The following TDRD9 variants were observed in gnomAD, a reference collection of about 807,000 sequenced individuals.
TDRD9 encodes the protein ATP-dependent RNA helicase TDRD9.
TDRD9 carries 124 observed loss-of-function variants against 172.6 expected under a neutral mutation model. The observed-to-expected ratio is 0.72, with a 90% CI of 0.62 to 0.83. The LOEUF is 0.83. TDRD9 is among the 40% of genes least tolerant of loss of function. The probability of loss-of-function intolerance (pLI) is 0.00; values close to 1 mark genes in which losing one functional copy is unlikely to be tolerated. For synonymous variants in TDRD9, 619 were observed against 617.1 expected (o/e 1.00, Z -0.05); for missense variants, 1,479 against 1,714.1 (o/e 0.86, Z 2.42).
At chr14:103,928,910 A>G (rs2030164930) in intron 1 of TDRD9, 186 bp downstream of exon 1, 1 of 247,072 alleles carries the variant, frequency 4.0e-6, no homozygotes, top group Non-Finnish European at 7.6e-6. Context: ...GCCTGTAAGG[A>G]AGCTGAGCTA....
At chr14:104,039,745 A>G (rs1444399188) in intron 32 of TDRD9, among the ~76,000 whole-genome samples, 1 of 152,210 alleles carries the variant, frequency 6.6e-6, no homozygotes, top group Non-Finnish European at 1.5e-5. Context: ...AGTGTGCACC[A>G]TTGTTTTAGG....
At chr14:103,938,438 A>AT (rs1354196439) in intron 1 of TDRD9, among the ~76,000 whole-genome samples, 5,900 of 41,298 alleles carry the variant, frequency 0.14, 887 homozygotes, top group Middle Eastern at 0.28. Flanking sequence ...ATATATATAT[A>AT]TATTTTTTTT....
intron 32 of TDRD9, 149 bp downstream of exon 32, chr14:104,035,205 T>G: frequency 1.7e-6 from 1 of 605,870 alleles, no homozygotes; most frequent in East Asian, 2.9e-5. Flanking sequence ...CCTGTATTGT[T>G]ATTGATTTAT....
intron 3 of TDRD9, among the ~76,000 whole-genome samples, chr14:103,965,001 A>G (rs2032671337): frequency 6.6e-6 from 1 of 152,106 alleles, no homozygotes; most frequent in Admixed American, 6.6e-5. Context: ...TGATGTCAGG[A>G]GTTCAAGACC....
chr14:104,040,087 A>T, intron 32 of TDRD9, 109 bp from the exon 33 acceptor site: 1 of 1,032,254 alleles, frequency 9.7e-7, no homozygotes, highest in Non-Finnish European at 1.3e-6. Context: ...TAATTGCTGT[A>T]CTAGGGCTGG....
chr14:103,978,647 A>G (rs548254137), intron 7 of TDRD9, among the ~76,000 whole-genome samples: 1 of 152,200 alleles, frequency 6.6e-6, no homozygotes, highest in East Asian at 1.9e-4. Context: ...TCTTTGACTG[A>G]TGTTTTTCTC....
chr14:103,970,965 AT>A (rs2032995421), intron 6 of TDRD9, among the ~76,000 whole-genome samples: 1 of 152,066 alleles, frequency 6.6e-6, no homozygotes. Flanking sequence ...CAAATGCAGA[AT>A]CTGGATACAG....
chr14:103,928,648 G>T lies in TDRD9; in HGVS notation c.139G>T (p.Ala47Ser), dbSNP rs1007417173. Reference protein sequence around the residue: ...AREEVQRQDVAPGAGPAAQAP... With the variant: ...AREEVQRQDVSPGAGPAAQAP... ...GGAGGAGGTGCAGCGCCAGGACGTG[G>T]CCCCCGGCGCTGGTCCCGCGGCCCA... Residue 47 changes from alanine (A) to serine (S), a missense_variant, in exon 1 of 36, where the codon GCC becomes TCC. Coordinates refer to ENST00000409874, the MANE Select transcript of TDRD9 (RefSeq NM_153046.3). The T allele has an allele frequency of 4.8e-6, 6 of 1,255,414 alleles. No homozygotes were observed. In the African/African-American group the frequency reaches 9.5e-5, roughly 20 times the overall value. The allele number at this position is 1,255,414 out of a possible 1,614,324, so 77.8% of individuals were successfully genotyped here.
intron 12 of TDRD9, among the ~76,000 whole-genome samples, 197 bp downstream of exon 12, chr14:103,996,004 A>G (rs1381499323): frequency 6.6e-6 from 1 of 152,142 alleles, no homozygotes; most frequent in Non-Finnish European, 1.5e-5. Context: ...TACCTGTTTC[A>G]TCCTTTAGGG....
chr14:104,050,483 A>G lies in TDRD9; in HGVS notation c.4047+803A>G, dbSNP rs147306181. On this transcript the variant is annotated intron_variant, in intron 35 of 35. Transcript: ENST00000409874. ...AATGTGATTTCAGAGAAAGGAGCCC[A>G]AAGGAGTTTGGAGATTTAATTCCAG... Among the ~76,000 whole-genome samples the G allele has an allele frequency of 2.6e-5, 4 of 152,200 alleles. No homozygotes were observed. The South Asian group carries it at 6.2e-4, about 24-fold the overall frequency.
rs1350024901 is a variant in TDRD9, at chr14:103,965,346, T to G, written c.434T>G (p.Ile145Arg). 2 of 1,551,614 alleles carry G rather than the reference T, an allele frequency of 1.3e-6. No homozygotes were observed. The highest frequency in any genetic ancestry group is 2.7e-5 in the African/African-American group (2 of 73,052). ...SRYKEEVVSL[I>R]ESNSVVIIHG... Reference sequence around the variant, plus strand: ...TTAAATTTCTAGGTTGTGTCTTTGATAGAAAGTAATTCCGTGGTGATTATC... The same window carrying G: ...TTAAATTTCTAGGTTGTGTCTTTGAGAGAAAGTAATTCCGTGGTGATTATC... The change falls in exon 4 of 36, where the codon ATA becomes AGA. Residue 145 changes from isoleucine to arginine, a missense_variant. Ile to Arg is a moderately conservative substitution (Grantham distance 97). Coordinates refer to ENST00000409874, the MANE Select transcript of TDRD9 (RefSeq NM_153046.3).
In TDRD9 at chr14:103,980,784, G is replaced by T. The variant is rs1006121618; in HGVS notation, c.1011+5231G>T. ...GACCATGGTCCGCTTGGCAACGGGCGTCTTCCCAGATGCTGGCATTACTGC... is the reference window on the plus strand; with the variant it reads ...GACCATGGTCCGCTTGGCAACGGGCTTCTTCCCAGATGCTGGCATTACTGC... On this transcript the variant is annotated intron_variant, in intron 7 of 35. Transcript: ENST00000409874. This position sits in a 1 kb window ranked among gnomAD's most constrained non-coding sequence, Gnocchi z 4.5. 6.6e-6 allele frequency among the ~76,000 whole-genome samples: 1 copy of T among 152,122 alleles called. No homozygotes were observed. Among genetic ancestry groups the T allele is most frequent in the Non-Finnish European group, 1.5e-5 (1 of 68,030 alleles).
chr14:103,959,213 A>T (rs1465650108), intron 2 of TDRD9, among the ~76,000 whole-genome samples: 1 of 152,110 alleles, frequency 6.6e-6, no homozygotes, highest in African/African-American at 2.4e-5. Flanking sequence ...GGAATTGGTG[A>T]TGCCTTGGAC....
intron 32 of TDRD9, 26 bp from the exon 33 acceptor site, chr14:104,040,170 G>C (rs775573615): frequency 2.9e-6 from 4 of 1,397,324 alleles, no homozygotes; most frequent in Middle Eastern, 1.8e-4. Context: ...TGAAATAATG[G>C]ACTCTTCTGA....
At chr14:104,034,122 C>G in intron 31 of TDRD9, 53 bp downstream of exon 31, 2 of 1,101,972 alleles carry the variant, frequency 1.8e-6, no homozygotes, top group Non-Finnish European at 2.7e-6. Flanking sequence ...TTTTCCTTGA[C>G]TTCAGCTACT....
At chr14:104,022,685 C>T (rs1466329637) in intron 24 of TDRD9, among the ~76,000 whole-genome samples, 6 of 151,734 alleles carry the variant, frequency 4.0e-5, no homozygotes, top group Admixed American at 3.3e-4. Flanking sequence ...CGAGATTGCA[C>T]CACTGCACTC....
intron 1 of TDRD9, among the ~76,000 whole-genome samples, chr14:103,944,706 CA>C (rs1264655210): frequency 1.3e-5 from 2 of 151,976 alleles, no homozygotes; most frequent in African/African-American, 4.8e-5. Flanking sequence ...GCTGGGATTA[CA>C]GGCGTGCACC....
intron 35 of TDRD9, among the ~76,000 whole-genome samples, chr14:104,051,197 G>A (rs1443527560): frequency 6.6e-6 from 1 of 152,084 alleles, no homozygotes; most frequent in East Asian, 1.9e-4. Flanking sequence ...CCACTTTTAG[G>A]TGAGAACAGG....
At chr14:103,966,539 C>A (rs1166789890) in intron 4 of TDRD9, among the ~76,000 whole-genome samples, 170 bp from the exon 5 acceptor site, 4 of 151,712 alleles carry the variant, frequency 2.6e-5, no homozygotes, top group South Asian at 2.1e-4. Context: ...GCCCTCCCCC[C>A]AAAAAAGAAG....
Sources: allele counts gnomAD v4.1 joint callset (sites outside exome capture counted in the v4.1 genomes callset), GRCh38; gene constraint gnomAD v4.1.1; non-coding constraint Gnocchi (gnomAD v3.1); transcripts MANE v1.5; gene names NCBI Gene and HGNC (gene_info 2026-07-23, HGNC 2026-07-21).